CCDC80: variants seen among roughly 807,000 people sequenced by gnomAD.
The protein encoded by CCDC80 is coiled-coil domain-containing protein 80.
A neutral mutation model predicts 78.7 loss-of-function variants in CCDC80; 49 were observed. That is an observed-to-expected ratio of 0.62 (90% CI 0.50 to 0.79). CCDC80 has a LOEUF of 0.79. Ranked by LOEUF, CCDC80 falls within the 30% of genes least tolerant of loss-of-function variation. CCDC80 has a pLI of 0.00. For missense variants in CCDC80, 1,205 were observed against 1,198.6 expected, an observed-to-expected ratio of 1.01 and a Z score of -0.08; for synonymous variants, 488 against 447.0, an observed-to-expected ratio of 1.09 and a Z score of -1.16.
Position 112,638,916 on chromosome 3 carries a change from G to T in CCDC80, c.990C>A (p.Val330=). Residue 330 remains valine (V), a synonymous_variant, in exon 2 of 8, where the codon GTC becomes GTA. Coordinates refer to ENST00000206423, the MANE Select transcript of CCDC80 (RefSeq NM_199511.3). ...VPPTRESRVK[V]LRKLAATAPA... ...GTGCAGTGGCGGCCAGTTTTCTCAG[G>T]ACCTTCACCCGACTCTCTCTGGTTG... 1 of 1,613,358 alleles carries T rather than the reference G, an allele frequency of 6.2e-7. No homozygotes were observed.
intron 3 of CCDC80, among the ~76,000 whole-genome samples, chr3:112,624,058 C>T (rs1275300934): frequency 6.6e-6 from 1 of 152,098 alleles, no homozygotes; most frequent in African/African-American, 2.4e-5. Context: ...ATTTGGTAAT[C>T]ACTAGAACTC....
chr3:112,619,991 G>A (rs1338020037), intron 3 of CCDC80, among the ~76,000 whole-genome samples: 1 of 151,812 alleles, frequency 6.6e-6, no homozygotes, highest in South Asian at 2.1e-4. Context: ...AAAAACAAAT[G>A]TGAAAAAATT....
chr3:112,607,806 T>G (rs1160509504), intron 6 of CCDC80, among the ~76,000 whole-genome samples: 1 of 152,080 alleles, frequency 6.6e-6, no homozygotes, highest in African/African-American at 2.4e-5. Flanking sequence ...ATGAAGCAAT[T>G]CATTGGAACA....
chr3:112,619,757 A>C (rs1307904191), intron 3 of CCDC80, among the ~76,000 whole-genome samples: 1 of 152,234 alleles, frequency 6.6e-6, no homozygotes, highest in Non-Finnish European at 1.5e-5. Flanking sequence ...AGCCTCCCCA[A>C]ATAAATCCTT....
intron 5 of CCDC80, among the ~76,000 whole-genome samples, chr3:112,616,449 G>GAA (rs59366104): frequency 0.18 from 24,479 of 133,396 alleles, 2,658 homozygotes; most frequent in African/African-American, 0.27. Context: ...AAAAAGAAAA[G>GAA]AAAAAAAAAA....
At chr3:112,621,381 G>C (rs1386743392) in intron 3 of CCDC80, among the ~76,000 whole-genome samples, 1 of 152,134 alleles carries the variant, frequency 6.6e-6, no homozygotes, top group Non-Finnish European at 1.5e-5. Context: ...TTAGCTGACA[G>C]CCCACTGACC....
Position 112,638,956 on chromosome 3 carries a change from C to T in CCDC80, c.950G>A (p.Arg317Lys), listed in dbSNP as rs372515724. The change falls in exon 2 of 8, where the codon AGA becomes AAA. Residue 317 changes from arginine to lysine, a missense_variant. Physicochemically the swap from Arg to Lys is conservative, Grantham distance 26. Coordinates refer to ENST00000206423, the MANE Select transcript of CCDC80 (RefSeq NM_199511.3). ...GSEKKKEDPRRAQVPPTRESR... is the reference protein window; with the variant it reads ...GSEKKKEDPRKAQVPPTRESR... ...CTCTCTGGTTGGTGGGACTTGTGCT[C>T]TCCTTGGGTCCTCTTTCTTCTTCTC... 3.3e-5 allele frequency: 54 copies of T among 1,612,890 alleles called. No individual in the cohort carries two copies. Among genetic ancestry groups the T allele is most frequent in the Non-Finnish European group, 4.5e-5 (53 of 1,179,998 alleles).
chr3:112,620,628 G>C (rs16859849), intron 3 of CCDC80, among the ~76,000 whole-genome samples: 1 of 151,996 alleles, frequency 6.6e-6, no homozygotes, highest in Non-Finnish European at 1.5e-5. Flanking sequence ...AAGTCCACAG[G>C]AAAAGGTGAA....
At chr3:112,637,965 A>G (rs1471259727) in intron 2 of CCDC80, 63 bp downstream of exon 2, 1 of 1,534,920 alleles carries the variant, frequency 6.5e-7, no homozygotes, top group African/African-American at 1.4e-5. Context: ...CAAAACTAAC[A>G]AGACAGACGT....
In CCDC80 at chr3:112,607,337, T is replaced by A. The variant is rs1309285429; in HGVS notation, c.2426-81A>T. 4.1e-6 allele frequency: 4 copies of A among 977,772 alleles called. No homozygotes were observed. In the African/African-American group the frequency reaches 6.6e-5, roughly 16 times the overall value. 60.6% of individuals were successfully genotyped at this position (977,772 alleles called of 1,614,324 possible). Reference sequence around the variant, plus strand: ...ACTTCAAAGCCCTGATATCTGACAATTAAAAATCTCTTAAATTTAAAAAGA... The same window carrying A: ...ACTTCAAAGCCCTGATATCTGACAAATAAAAATCTCTTAAATTTAAAAAGA... On this transcript the variant is annotated intron_variant, in intron 6 of 7. Transcript: ENST00000206423.
At chr3:112,626,517 C>T (rs1935977848) in intron 3 of CCDC80, among the ~76,000 whole-genome samples, 1 of 152,078 alleles carries the variant, frequency 6.6e-6, no homozygotes, top group Non-Finnish European at 1.5e-5. Context: ...GATTTGTATA[C>T]TATCATTCTC....
rs566336273 is a variant in CCDC80, at chr3:112,613,637, T to C, written c.2321+3073A>G. Among the ~76,000 whole-genome samples the C allele has an allele frequency of 8.7e-4, 133 of 152,250 alleles. 1 individual carries two copies. The highest frequency in any genetic ancestry group is 2.6e-3 in the African/African-American group (107 of 41,570). On this transcript the variant is annotated intron_variant, in intron 5 of 7. Coordinates refer to ENST00000206423, the MANE Select transcript of CCDC80 (RefSeq NM_199511.3). Reference sequence around the variant, plus strand: ...AGTGGTTATAAAAAGACACTCTACCTAGGGATGGTGAGAAGAATCTCTGAG... The same window carrying C: ...AGTGGTTATAAAAAGACACTCTACCCAGGGATGGTGAGAAGAATCTCTGAG...
rs72943904 is a variant in CCDC80 at position 112,626,912 on chromosome 3, T to C, written c.2035+3201A>G. ...GATAGTAAGAAATCAACATTTTCTC[T>C]CTCCTTGTTGCCATATTCCACCTCC... On this transcript the variant is annotated intron_variant, in intron 3 of 7. Transcript: ENST00000206423. Among the ~76,000 whole-genome samples, 850 of 152,230 alleles carry C rather than the reference T, an allele frequency of 5.6e-3. 7 individuals carry two copies. The highest frequency in any genetic ancestry group is 0.02 in the African/African-American group (811 of 41,530).
At chr3:112,625,154 C>T (rs1410000299) in intron 3 of CCDC80, among the ~76,000 whole-genome samples, 1 of 152,108 alleles carries the variant, frequency 6.6e-6, no homozygotes, top group Non-Finnish European at 1.5e-5. Flanking sequence ...AAAATGTGTT[C>T]AATCATACTC....
Position 112,616,810 on chromosome 3 carries a change from C to A in CCDC80, c.2221G>T (p.Asp741Tyr), listed in dbSNP as rs1935761130. The change falls in exon 5 of 8, where the codon GAT becomes TAT. Residue 741 changes from aspartate (D) to tyrosine (Y), a missense_variant. Asp to Tyr is a radical substitution (Grantham distance 160). Transcript: ENST00000206423. ...TCTTTGATTCGGGACTGGAAAGTAT[C>A]GATCAGATCAAACACAGACTTCATT... ...ITMKSVFDLI[D>Y]TFQSRIKDME... 6.2e-7 allele frequency: 1 copy of A among 1,614,096 alleles called. No homozygotes were observed. Among genetic ancestry groups the A allele is most frequent in the Non-Finnish European group, 8.5e-7 (1 of 1,180,012 alleles).
chr3:112,596,951 A>G lies in CCDC80; in HGVS notation c.*8466T>C, dbSNP rs1056130309. On this transcript the variant is annotated 3_prime_UTR_variant, in exon 8 of 8. Transcript: ENST00000206423. ...ACACTGCCTTCATTTTCTCCAGCTG[A>G]TAGATTTGTGTAAGAAATCTTGACT... 4 of 152,116 alleles carry G rather than the reference A, an allele frequency of 2.6e-5. No homozygotes were observed. The highest frequency in any genetic ancestry group is 9.7e-5 in the African/African-American group (4 of 41,412). The allele number at this position is 152,116 out of a possible 1,614,324, so 9.4% of individuals were successfully genotyped here.
At chr3:112,610,246 T>C in intron 5 of CCDC80, 165 bp from the exon 6 acceptor site, 1 of 652,866 alleles carries the variant, frequency 1.5e-6, no homozygotes, top group Non-Finnish European at 2.7e-6. Flanking sequence ...TTAAACTGCA[T>C]TGCTACACTC....
chr3:112,624,966 C>T (rs766759410), intron 3 of CCDC80, among the ~76,000 whole-genome samples: 125 of 152,086 alleles, frequency 8.2e-4, no homozygotes, highest in Non-Finnish European at 1.6e-3. Context: ...AATATAGATT[C>T]CTGGACCTCA....
intron 4 of CCDC80, among the ~76,000 whole-genome samples, chr3:112,617,384 C>A (rs1008814642): frequency 1.3e-5 from 2 of 152,198 alleles, no homozygotes; most frequent in African/African-American, 4.8e-5. Context: ...TGGGATCCAA[C>A]TTAAAGACAA....
Sources: allele counts gnomAD v4.1 joint callset (sites outside exome capture counted in the v4.1 genomes callset), GRCh38; gene constraint gnomAD v4.1.1; transcripts MANE v1.5; gene names NCBI Gene and HGNC (gene_info 2026-07-23, HGNC 2026-07-21).